Variants in EDNRA observed in about 807,000 individuals in gnomAD.
EDNRA encodes the protein endothelin-1 receptor.
EDNRA carries 11 observed loss-of-function variants against 41.4 expected under a neutral mutation model. The ratio of observed to expected loss-of-function variants is 0.27; its 90% confidence interval spans 0.17 to 0.44. The LOEUF (loss-of-function observed/expected upper bound fraction) is 0.44, where lower values mean the gene tolerates loss of function less well. Ranked by LOEUF, EDNRA falls within the 20% of genes least tolerant of loss-of-function variation. The probability of loss-of-function intolerance (pLI) is 1.00; values close to 1 mark genes in which losing one functional copy is unlikely to be tolerated. For synonymous variants in EDNRA, 172 were observed against 183.0 expected, an observed-to-expected ratio of 0.94 and a Z score of 0.49; for missense variants, 294 against 531.0, an observed-to-expected ratio of 0.55 and a Z score of 4.39.
At position 147,485,898 on chromosome 4, in the gene EDNRA, A is replaced by C; in HGVS notation, c.217A>C (p.Thr73Pro). 1 of 1,614,270 alleles carries C rather than the reference A, an allele frequency of 6.2e-7. No individual in the cohort carries two copies. Among genetic ancestry groups the C allele is most frequent in the Non-Finnish European group, 8.5e-7 (1 of 1,180,054 alleles). Residue 73 changes from threonine to proline, a missense_variant, in exon 2 of 8, where the codon ACT (threonine) becomes CCT (proline). This residue lies in a region of EDNRA where 90 missense variants were observed against 122.8 expected (regional missense o/e 0.73). Transcript: ENST00000651419. Reference protein sequence around the residue: ...GSMHNYCPQQTKITSAFKYIN... With the variant: ...GSMHNYCPQQPKITSAFKYIN... ...AATGCACAACTATTGCCCACAGCAG[A>C]CTAAAATTACTTCAGCTTTCAAATA...
intron 5 of EDNRA, among the ~76,000 whole-genome samples, chr4:147,536,365 A>G (rs1407305923): frequency 6.6e-6 from 1 of 152,188 alleles, no homozygotes; most frequent in Non-Finnish European, 1.5e-5. Flanking sequence ...CTTTCTCCCC[A>G]TGCAGATTTA....
intron 2 of EDNRA, chr4:147,491,079 GAAC>G (rs1560893843): frequency 6.6e-6 from 1 of 152,154 alleles, no homozygotes; most frequent in African/African-American, 2.4e-5. Context: ...AGATCTGTGA[GAAC>G]AACAGTGATA....
At chr4:147,538,370 C>T (rs1730984688) in intron 5 of EDNRA, among the ~76,000 whole-genome samples, 1 of 152,188 alleles carries the variant, frequency 6.6e-6, no homozygotes, top group African/African-American at 2.4e-5. Flanking sequence ...AAAACCCTGC[C>T]AAGTGGCCAT....
At chr4:147,482,151 G>GT (rs1384426118) in intron 1 of EDNRA, among the ~76,000 whole-genome samples, 1 of 152,146 alleles carries the variant, frequency 6.6e-6, no homozygotes, top group Non-Finnish European at 1.5e-5. Context: ...ACTTTTACTT[G>GT]TTTTTTCCTC....
intron 2 of EDNRA, among the ~76,000 whole-genome samples, chr4:147,503,594 T>A (rs1368715988): frequency 1.3e-5 from 2 of 152,216 alleles, no homozygotes; most frequent in Non-Finnish European, 2.9e-5. Context: ...AAAAAGTGAT[T>A]ACCAAAATTT....
chr4:147,539,463 C>A (rs1003147780), intron 5 of EDNRA, among the ~76,000 whole-genome samples: 2 of 151,948 alleles, frequency 1.3e-5, no homozygotes, highest in Non-Finnish European at 2.9e-5. Context: ...CCCCACTACA[C>A]ACACACACAG....
intron 3 of EDNRA, among the ~76,000 whole-genome samples, chr4:147,525,284 T>C (rs930123582): frequency 5.9e-5 from 9 of 152,224 alleles, no homozygotes; most frequent in Non-Finnish European, 1.0e-4. Context: ...TGGATAGGCT[T>C]TCATTGCTAA....
intron 5 of EDNRA, among the ~76,000 whole-genome samples, chr4:147,539,180 A>G (rs942690341): frequency 6.6e-6 from 1 of 151,910 alleles, no homozygotes; most frequent in East Asian, 1.9e-4. Flanking sequence ...ATATGTCATT[A>G]AGAAACTACA....
chr4:147,505,232 A>G (rs1383792306), intron 2 of EDNRA, among the ~76,000 whole-genome samples: 1 of 147,170 alleles, frequency 6.8e-6, no homozygotes, highest in Non-Finnish European at 1.5e-5. Context: ...AGAGAGAGAG[A>G]GACAACATCT....
chr4:147,506,518 A>T (rs1163908083), intron 2 of EDNRA: 1 of 282,612 alleles, frequency 3.5e-6, no homozygotes, highest in African/African-American at 2.3e-5. Flanking sequence ...ACTGAATGTG[A>T]AAGGAAAGAG....
chr4:147,522,021 A>C (rs1281847317), intron 3 of EDNRA, among the ~76,000 whole-genome samples: 1 of 152,290 alleles, frequency 6.6e-6, no homozygotes, highest in Admixed American at 6.5e-5. Context: ...CAGTGGGAAA[A>C]CTCGACTCAG....
At position 147,535,772 on chromosome 4, in the gene EDNRA, G is replaced by C. The variant is rs947652762; in HGVS notation, c.748-105G>C. The C allele has an allele frequency of 3.6e-6, 5 of 1,380,490 alleles. No homozygotes were observed. In the African/African-American group the frequency reaches 5.8e-5, roughly 16 times the overall value. 85.5% of individuals were successfully genotyped at this position (1,380,490 alleles called of 1,614,324 possible). A position where few individuals can be genotyped will look rare whatever the true frequency, so the allele number is the denominator to read the frequency against. On this transcript the variant is annotated intron_variant, in intron 4 of 7. Coordinates refer to ENST00000651419, the MANE Select transcript of EDNRA (RefSeq NM_001957.4). The stretch of plus-strand genomic sequence containing the variant: ...TGCAACCAGAGAGCATGATTTTACA[G>C]ATGTATCTGCAAGTTTAAAGACCTT...
chr4:147,541,682 T>C (rs1203248767), intron 7 of EDNRA, among the ~76,000 whole-genome samples: 4 of 152,220 alleles, frequency 2.6e-5, no homozygotes, highest in Non-Finnish European at 4.4e-5. Context: ...GGCAGACATA[T>C]ATTAACCAAG....
chr4:147,523,195 G>T (rs1730385743), intron 3 of EDNRA, among the ~76,000 whole-genome samples: 1 of 152,204 alleles, frequency 6.6e-6, no homozygotes, highest in Admixed American at 6.5e-5. Flanking sequence ...CCTCTTATCA[G>T]ATCTTAAAAG....
intron 1 of EDNRA, among the ~76,000 whole-genome samples, chr4:147,481,690 C>T (rs557304288): frequency 1.5e-3 from 227 of 152,342 alleles, no homozygotes; most frequent in Middle Eastern, 3.4e-3. Context: ...TGGGTGACCC[C>T]TTTTCCCCAG....
Position 147,542,861 on chromosome 4 carries a change from T to C in EDNRA, c.*243T>C. On this transcript the variant is annotated 3_prime_UTR_variant, in exon 8 of 8. Coordinates refer to ENST00000651419, the MANE Select transcript of EDNRA (RefSeq NM_001957.4). ...GCGTGTTGTATTCAGCACTAAAAAA[T>C]GGTGGGAGCTGGGGGAGAATGAAGA... is the stretch of plus-strand genomic sequence containing the variant. 2.5e-6 allele frequency: 1 copy of C among 395,692 alleles called. No individual in the cohort carries two copies. Among genetic ancestry groups the C allele is most frequent in the Non-Finnish European group, 4.5e-6 (1 of 224,338 alleles). The allele number at this position is 395,692 out of a possible 1,614,324, so 24.5% of individuals were successfully genotyped here.
chr4:147,532,140 G>A (rs1339283909), intron 3 of EDNRA, among the ~76,000 whole-genome samples: 7 of 127,116 alleles, frequency 5.5e-5, no homozygotes, highest in Admixed American at 1.6e-4. Context: ...GTGAAACCCC[G>A]TCTCTACTAA....
chr4:147,540,453 T>A lies in EDNRA; in HGVS notation c.1111T>A (p.Phe371Ile), dbSNP rs754065595. 9.9e-6 allele frequency: 16 copies of A among 1,611,982 alleles called. No individual in the cohort carries two copies. The highest frequency in any genetic ancestry group is 1.4e-5 in the Non-Finnish European group (16 of 1,179,486). Residue 371 changes from phenylalanine to isoleucine, a missense_variant, in exon 7 of 8, where the codon TTT (phenylalanine) becomes ATT (isoleucine). By Grantham distance (21) the Phe-to-Ile change is conservative. Around this residue, in one of 3 missense-constraint regions of EDNRA, gnomAD observed 185 missense variants for 390.8 expected, o/e 0.47. Coordinates refer to ENST00000651419, the MANE Select transcript of EDNRA (RefSeq NM_001957.4). Reference sequence around the variant, plus strand: ...ATGTATAAACCCCATAGCTCTGTATTTTGTGAGCAAGAAATTTAAAAATTG... The same window carrying A: ...ATGTATAAACCCCATAGCTCTGTATATTGTGAGCAAGAAATTTAAAAATTG... ...NSCINPIALY[F>I]VSKKFKNCFQ...
intron 3 of EDNRA, among the ~76,000 whole-genome samples, chr4:147,520,702 A>G (rs527794404): frequency 2.6e-5 from 4 of 152,372 alleles, no homozygotes; most frequent in Admixed American, 2.6e-4. Flanking sequence ...CAAGTGGTGT[A>G]TAATGGCCTA....
Sources: gnomAD v4.1 joint callset for allele counts (sites outside exome capture counted in the v4.1 genomes callset) on GRCh38, gnomAD v4.1.1 for gene constraint, gnomAD v4.1.1 regional missense constraint, MANE v1.5 for transcripts, NCBI Gene and HGNC (gene_info 2026-07-23, HGNC 2026-07-21) for gene names.